Variants in SCNN1B observed in about 807,000 individuals in gnomAD.
SCNN1B encodes sodium channel epithelial 1 subunit beta, also known as epithelial sodium channel subunit beta.
Under a neutral mutation model 65.3 loss-of-function variants are expected in SCNN1B, and 46 were observed. The ratio of observed to expected loss-of-function variants is 0.70; its 90% confidence interval spans 0.56 to 0.90. SCNN1B has a LOEUF of 0.90. Among genes scored for constraint, SCNN1B ranks in the 40% least tolerant of loss-of-function variants. SCNN1B has a pLI of 0.00. For synonymous variants in SCNN1B, 349 were observed against 330.6 expected (o/e 1.06, Z -0.60); for missense variants, 751 against 830.5 (o/e 0.90, Z 1.18).
chr16:23,283,591 T>C (rs1960811453), intron 1 of SCNN1B: 1 of 152,264 alleles, frequency 6.6e-6, no homozygotes, highest in African/African-American at 2.4e-5. Context: ...ATATGGCATT[T>C]GCACCATGGT....
intron 1 of SCNN1B, among the ~76,000 whole-genome samples, chr16:23,278,760 C>T (rs117985393): frequency 3.3e-5 from 5 of 151,704 alleles, no homozygotes; most frequent in African/African-American, 1.2e-4. Flanking sequence ...GTGACCCCCC[C>T]ACCCCTCACA....
chr16:23,323,716 G>T, intron 1 of SCNN1B: 4 of 650,278 alleles, frequency 6.2e-6, no homozygotes, highest in South Asian at 3.5e-5. Flanking sequence ...AGGTTGCAAG[G>T]TGTCTTAGAA....
intron 1 of SCNN1B, among the ~76,000 whole-genome samples, chr16:23,311,978 C>T (rs1012622792): frequency 2.1e-5 from 3 of 143,040 alleles, no homozygotes; most frequent in Admixed American, 1.4e-4. Flanking sequence ...TTTGGGGGTG[C>T]GGTGGGGGAG....
chr16:23,365,557 G>GAAAGAAAGAA (rs56115800), intron 4 of SCNN1B, among the ~76,000 whole-genome samples: 1 of 92,366 alleles, frequency 1.1e-5, no homozygotes, highest in African/African-American at 6.0e-5. Context: ...AAGAAGGAAA[G>GAAAGAAAGAA]AGAAAGAAAG....
At chr16:23,333,203 AAGGAAGG>A (rs1221884415) in intron 1 of SCNN1B, among the ~76,000 whole-genome samples, 52 of 92,552 alleles carry the variant, frequency 5.6e-4, no homozygotes, top group African/African-American at 2.2e-3. Flanking sequence ...GGAAGGAAGG[AAGGAAGG>A]AAGAAAGAAA....
chr16:23,305,331 T>C (rs890408320), intron 1 of SCNN1B, among the ~76,000 whole-genome samples: 2 of 151,106 alleles, frequency 1.3e-5, no homozygotes, highest in African/African-American at 4.9e-5. Flanking sequence ...TAAGACTCCA[T>C]ATTTCTGGAT....
At chr16:23,314,768 C>T (rs960511028) in intron 1 of SCNN1B, among the ~76,000 whole-genome samples, 11 of 152,236 alleles carry the variant, frequency 7.2e-5, no homozygotes, top group Non-Finnish European at 1.6e-4. Flanking sequence ...AGAGGGTACT[C>T]AGCCCCTTGC....
rs1019975136 is a variant in SCNN1B, at chr16:23,280,231, A to AT, written n.110+1902dup. Among the ~76,000 whole-genome samples the AT allele has an allele frequency of 2.3e-3, 340 of 147,368 alleles. 2 individuals carry two copies. Among genetic ancestry groups the AT allele is most frequent in the Admixed American group, 3.5e-3 (52 of 14,712 alleles). The stretch of plus-strand genomic sequence containing the variant: ...TTTTATTTTTATTTTTTTAATTTTA[A>AT]TTTTTTTTTTTGAGACAGAGTCTCA... On this transcript the variant is annotated intron_variant and non_coding_transcript_variant, in intron 1 of 3. Coordinates refer to the SCNN1B transcript ENST00000569789.
intron 1 of SCNN1B, among the ~76,000 whole-genome samples, chr16:23,323,402 A>T (rs1961628526): frequency 6.6e-6 from 1 of 152,198 alleles, no homozygotes; most frequent in Non-Finnish European, 1.5e-5. Flanking sequence ...CAAGGGCTCC[A>T]GCATGTGGTT....
At position 23,323,741 on chromosome 16, in the gene SCNN1B, G is replaced by A. The variant is rs1219945020; in HGVS notation, c.-9+21304G>A. Among the ~76,000 whole-genome samples the A allele has an allele frequency of 2.6e-5, 4 of 152,170 alleles. No individual in the cohort carries two copies. In the East Asian group the frequency reaches 5.8e-4, roughly 22 times the overall value. On this transcript the variant is annotated intron_variant, in intron 1 of 12. Coordinates refer to ENST00000343070, the MANE Select transcript of SCNN1B (RefSeq NM_000336.3). ...GTGTCTTAGAAGCCAGCTAAGGGTTGAGGGGCCTTTATTCTATAGACACCA... is the reference window on the plus strand; with the variant it reads ...GTGTCTTAGAAGCCAGCTAAGGGTTAAGGGGCCTTTATTCTATAGACACCA...
At chr16:23,339,635 G>A (rs1279365650) in intron 1 of SCNN1B, among the ~76,000 whole-genome samples, 2 of 151,184 alleles carry the variant, frequency 1.3e-5, no homozygotes, top group Admixed American at 6.6e-5. Context: ...GCACGATCTC[G>A]ACTCACTGCA....
chr16:23,318,219 G>C (rs938371001), intron 1 of SCNN1B, among the ~76,000 whole-genome samples: 5 of 152,170 alleles, frequency 3.3e-5, no homozygotes, highest in Non-Finnish European at 5.9e-5. Context: ...AACAGACACG[G>C]TTTCAATTTT....
At chr16:23,327,809 T>C (rs1238424993) in intron 1 of SCNN1B, among the ~76,000 whole-genome samples, 2 of 152,068 alleles carry the variant, frequency 1.3e-5, no homozygotes, top group East Asian at 3.9e-4. Context: ...ACAAGATGGG[T>C]CCTCCAAAGG....
In SCNN1B at chr16:23,358,000, A is replaced by G. The variant is rs145574342; in HGVS notation, c.776+2511A>G. Among the ~76,000 whole-genome samples the G allele has an allele frequency of 1.2e-3, 185 of 152,360 alleles. 1 individual carries two copies. Among genetic ancestry groups the G allele is most frequent in the African/African-American group, 4.3e-3 (177 of 41,582 alleles). ...TCTGCTCAGTGAGAACACGCCCAGG[A>G]GCGAGAGTGGGGCAGGAAAGTGAAC... is the stretch of plus-strand genomic sequence containing the variant. On this transcript the variant is annotated intron_variant, in intron 4 of 12. Coordinates refer to ENST00000343070, the MANE Select transcript of SCNN1B (RefSeq NM_000336.3).
At chr16:23,283,864 CTCAGAACTTGG>C (rs1448769150) in intron 2 of SCNN1B, 1 of 152,204 alleles carries the variant, frequency 6.6e-6, no homozygotes, top group Non-Finnish European at 1.5e-5. Context: ...CTGGGTCATG[CTCAGAACTTGG>C]TCCACCTAGA....
chr16:23,377,384 G>A lies in SCNN1B; in HGVS notation c.1402G>A (p.Glu468Lys), dbSNP rs372687977. ...GGCTGACTGGCCTTCTGAGGCCTCC[G>A]AGGTGAGACAGTTGGGGGCCAAGCT... ...SMADWPSEASEDWIFHVLSQE... is the reference protein window; with the variant it reads ...SMADWPSEASKDWIFHVLSQE... Residue 468 changes from glutamate (E) to lysine (K), a missense_variant and splice_region_variant, in exon 10 of 13, where the codon GAG (glutamate) becomes AAG (lysine). Transcript: ENST00000343070. 7.7e-5 allele frequency: 125 copies of A among 1,613,966 alleles called. No individual in the cohort carries two copies. Among genetic ancestry groups the A allele is most frequent in the Admixed American group, 1.5e-4 (9 of 60,010 alleles).
At chr16:23,365,620 A>AGAGAGAGAAAGAAAGAAAGAAAGAAAG (rs11399911) in intron 4 of SCNN1B, among the ~76,000 whole-genome samples, 12 of 80,418 alleles carry the variant, frequency 1.5e-4, no homozygotes, top group South Asian at 4.6e-4. Flanking sequence ...AAAGAAAGAA[A>AGAGAGAGAAAGAAAGAAAGAAAGAAAG]AAAGAAAGAA....
chr16:23,328,595 T>C (rs1040280181), intron 1 of SCNN1B, among the ~76,000 whole-genome samples: 3 of 152,190 alleles, frequency 2.0e-5, no homozygotes, highest in African/African-American at 7.2e-5. Context: ...AAGCATGAGC[T>C]GGACTCAAGA....
intron 2 of SCNN1B, among the ~76,000 whole-genome samples, chr16:23,350,596 G>A (rs1252482589): frequency 6.6e-6 from 1 of 152,182 alleles, no homozygotes; most frequent in Non-Finnish European, 1.5e-5. Context: ...GAAGGGCTGA[G>A]TCACAGAAAA....
Sources: gnomAD v4.1 joint callset for allele counts (sites outside exome capture counted in the v4.1 genomes callset) on GRCh38, gnomAD v4.1.1 for gene constraint, MANE v1.5 for transcripts, NCBI Gene and HGNC (gene_info 2026-07-23, HGNC 2026-07-21) for gene names.